The following CDH13 variants were observed in gnomAD, a reference collection of about 807,000 sequenced individuals.
CDH13 encodes cadherin-13.
CDH13 carries 24 observed loss-of-function variants against 63.8 expected under a neutral mutation model. The observed-to-expected ratio is 0.38, with a 90% CI of 0.27 to 0.53. The LOEUF is 0.53. Among genes scored for constraint, CDH13 ranks in the 20% least tolerant of loss-of-function variants. CDH13 has a pLI of 0.85. For synonymous variants in CDH13, 503 were observed against 355.3 expected, an observed-to-expected ratio of 1.42 and a Z score of -4.67; for missense variants, 1,049 against 903.1, an observed-to-expected ratio of 1.16 and a Z score of -2.07.
chr16:83,485,876 T>C (rs1259537730), intron 6 of CDH13, among the ~76,000 whole-genome samples: 1 of 152,098 alleles, frequency 6.6e-6, no homozygotes, highest in Non-Finnish European at 1.5e-5. Flanking sequence ...CATGGCTAGA[T>C]GGAATCTTGT....
intron 9 of CDH13, among the ~76,000 whole-genome samples, chr16:83,673,009 A>G (rs1255824944): frequency 6.6e-6 from 1 of 152,228 alleles, no homozygotes; most frequent in African/African-American, 2.4e-5. Context: ...TGCCCAATAC[A>G]TTAGTGCTTT....
At chr16:83,086,369 A>G (rs2033594918) in intron 3 of CDH13, among the ~76,000 whole-genome samples, 1 of 152,200 alleles carries the variant, frequency 6.6e-6, no homozygotes, top group Non-Finnish European at 1.5e-5. Flanking sequence ...AGGTACTCTG[A>G]GACTTAGTGT....
chr16:82,687,820 A>G (rs2086395330), intron 1 of CDH13, among the ~76,000 whole-genome samples: 1 of 152,118 alleles, frequency 6.6e-6, no homozygotes, highest in Non-Finnish European at 1.5e-5. Flanking sequence ...TGACCCAGCA[A>G]GAGTCTCTTT....
At chr16:83,356,615 A>G (rs558706787) in intron 6 of CDH13, among the ~76,000 whole-genome samples, 1 of 152,324 alleles carries the variant, frequency 6.6e-6, no homozygotes, top group Admixed American at 6.5e-5. Context: ...CCTTTGAATC[A>G]CTTCACCTTA....
At chr16:82,715,390 G>T (rs1281792377) in intron 1 of CDH13, among the ~76,000 whole-genome samples, 1 of 152,116 alleles carries the variant, frequency 6.6e-6, no homozygotes, top group African/African-American at 2.4e-5. Flanking sequence ...CCCGCCCCAT[G>T]CTCTGGTTTC....
chr16:82,713,711 A>C (rs866906861), intron 1 of CDH13, among the ~76,000 whole-genome samples: 2 of 151,084 alleles, frequency 1.3e-5, no homozygotes. Flanking sequence ...TGCTCTTTGA[A>C]TATTAGGTGG....
chr16:82,631,447 T>C (rs1224615532), intron 1 of CDH13, among the ~76,000 whole-genome samples: 2 of 152,240 alleles, frequency 1.3e-5, no homozygotes, highest in Non-Finnish European at 2.9e-5. Flanking sequence ...AATATCCCCC[T>C]GTCATCCAAT....
intron 2 of CDH13, among the ~76,000 whole-genome samples, chr16:82,998,761 A>G (rs1382999922): frequency 6.6e-6 from 1 of 152,094 alleles, no homozygotes; most frequent in Non-Finnish European, 1.5e-5. Flanking sequence ...ATAAGCAAAA[A>G]TTAAATATAA....
At chr16:82,902,408 A>G (rs1027923658) in intron 2 of CDH13, among the ~76,000 whole-genome samples, 5 of 150,950 alleles carry the variant, frequency 3.3e-5, no homozygotes, top group African/African-American at 9.7e-5. Context: ...AAAAAGTCCC[A>G]GCATTAGTTG....
intron 5 of CDH13, among the ~76,000 whole-genome samples, chr16:83,236,721 A>C (rs2040155367): frequency 6.6e-6 from 1 of 152,138 alleles, no homozygotes; most frequent in Non-Finnish European, 1.5e-5. Context: ...TGGATAAACA[A>C]ATTGTGATAC....
intron 6 of CDH13, among the ~76,000 whole-genome samples, chr16:83,372,285 A>G (rs180808734): frequency 2.8e-4 from 42 of 152,334 alleles, no homozygotes; most frequent in Middle Eastern, 3.4e-3. Flanking sequence ...TTCAAATTCC[A>G]GAAGTCTGAT....
chr16:82,793,171 A>C lies in CDH13; in HGVS notation c.46-65191A>C, dbSNP rs532401136. ...AAGCCTCTGGAAGCGGCATCAGTGC[A>C]TCACCCAGTGAAGCCATTGTGTCGC... On this transcript the variant is annotated intron_variant, in intron 1 of 13. Transcript: ENST00000567109. Among the ~76,000 whole-genome samples the C allele has an allele frequency of 7.2e-5, 11 of 152,352 alleles. No homozygotes were observed. The East Asian group carries it at 2.1e-3, about 29-fold the overall frequency.
intron 7 of CDH13, among the ~76,000 whole-genome samples, chr16:83,508,146 GGAGGGGAGGC>G (rs1416983103): frequency 6.7e-5 from 7 of 104,696 alleles, no homozygotes; most frequent in African/African-American, 2.6e-4. Context: ...GAAGGGGAGG[GGAGGGGAGGC>G]GAGGGGAGGG....
intron 2 of CDH13, among the ~76,000 whole-genome samples, chr16:82,961,086 C>T (rs767433702): frequency 3.3e-5 from 5 of 152,182 alleles, no homozygotes; most frequent in Non-Finnish European, 7.3e-5. Flanking sequence ...GACTCTGCAA[C>T]TGCCACTGCC....
chr16:83,000,114 G>A (rs1414285398), intron 2 of CDH13, among the ~76,000 whole-genome samples: 4 of 151,564 alleles, frequency 2.6e-5, no homozygotes, highest in African/African-American at 7.3e-5. Flanking sequence ...AGGATGTTGC[G>A]GAGCGTTTGG....
chr16:83,066,868 G>A (rs562135718), intron 3 of CDH13, among the ~76,000 whole-genome samples: 1 of 152,190 alleles, frequency 6.6e-6, no homozygotes, highest in Non-Finnish European at 1.5e-5. Flanking sequence ...TGAGCATGAA[G>A]TGTTGGTTAG....
chr16:82,688,617 G>A (rs1321497946), intron 1 of CDH13, among the ~76,000 whole-genome samples: 1 of 152,144 alleles, frequency 6.6e-6, no homozygotes, highest in Non-Finnish European at 1.5e-5. Flanking sequence ...CTGATGACAT[G>A]CTTCTTTTGA....
At position 83,195,140 on chromosome 16, in the gene CDH13, T is replaced by C. The variant is rs74031460; in HGVS notation, c.484-22205T>C. On this transcript the variant is annotated intron_variant, in intron 4 of 13. Coordinates refer to ENST00000567109, the MANE Select transcript of CDH13 (RefSeq NM_001257.5). The stretch of plus-strand genomic sequence containing the variant: ...GATGTTCTTTGTAGCTTTATTTACA[T>C]CATTCACAGTGTTTATAATTAAAAC... 3.3e-5 allele frequency among the ~76,000 whole-genome samples: 5 copies of C among 152,264 alleles called. No homozygotes were observed. In the East Asian group the frequency reaches 9.6e-4, roughly 29 times the overall value.
intron 5 of CDH13, among the ~76,000 whole-genome samples, chr16:83,244,819 C>G (rs1051900633): frequency 2.0e-5 from 3 of 152,170 alleles, no homozygotes; most frequent in African/African-American, 7.2e-5. Flanking sequence ...AAAATGCTGT[C>G]TAATGAGGGA....
Sources: gnomAD v4.1 joint callset for allele counts (sites outside exome capture counted in the v4.1 genomes callset) on GRCh38, gnomAD v4.1.1 for gene constraint, MANE v1.5 for transcripts, NCBI Gene and HGNC (gene_info 2026-07-23, HGNC 2026-07-21) for gene names.